ADGRB3: variants seen among roughly 807,000 people sequenced by gnomAD.
The protein encoded by ADGRB3 is brain-specific angiogenesis inhibitor 3.
Under a neutral mutation model 193.4 loss-of-function variants are expected in ADGRB3, and 37 were observed. The ratio of observed to expected loss-of-function variants is 0.19; its 90% CI spans 0.15 to 0.25. The LOEUF is 0.25. ADGRB3 is among the 10% of genes least tolerant of loss of function. The pLI is 1.00. For synonymous variants in ADGRB3, 690 were observed against 644.2 expected (o/e 1.07, Z -1.08); for missense variants, 1,637 against 1,852.9 (o/e 0.88, Z 2.14).
rs143181895 is a variant in ADGRB3, at chr6:69,233,055, G to A, written c.2481-235G>A. 3.6e-4 allele frequency: 196 copies of A among 545,632 alleles called. 1 individual carries two copies. The East Asian group carries it at 6.4e-3, about 18-fold the overall frequency. 33.8% of individuals were successfully genotyped at this position (545,632 alleles called of 1,614,324 possible). ...AGCTAGTCCCGGTTTCAGCACCTCCGGCGCTGGACAGCTCTCTGCACGCCG... is the reference window on the plus strand; with the variant it reads ...AGCTAGTCCCGGTTTCAGCACCTCCAGCGCTGGACAGCTCTCTGCACGCCG... On this transcript the variant is annotated intron_variant, in intron 17 of 31. Transcript: ENST00000370598.
At chr6:68,829,948 C>G (rs780692525) in intron 3 of ADGRB3, among the ~76,000 whole-genome samples, 1 of 152,152 alleles carries the variant, frequency 6.6e-6, no homozygotes, top group Non-Finnish European at 1.5e-5. Context: ...AAATAGATAG[C>G]TGTATCTGCT....
Position 68,788,140 on chromosome 6 carries a change from G to A in ADGRB3, c.758-142419G>A, listed in dbSNP as rs569594907. 2.0e-3 allele frequency among the ~76,000 whole-genome samples: 307 copies of A among 152,102 alleles called. 2 individuals are homozygous for A. Among genetic ancestry groups the A allele is most frequent in the Middle Eastern group, 0.01 (3 of 294 alleles). On this transcript the variant is annotated intron_variant, in intron 3 of 31. Coordinates refer to ENST00000370598, the MANE Select transcript of ADGRB3 (RefSeq NM_001704.3). The stretch of plus-strand genomic sequence containing the variant: ...TCATTAATTTTTTGAAGGGTTTTTT[G>A]TGTCTCTATTTCCTTCGGTTCTGCT...
intron 3 of ADGRB3, among the ~76,000 whole-genome samples, chr6:68,858,734 G>A (rs1169291414): frequency 2.0e-5 from 3 of 152,022 alleles, no homozygotes; most frequent in Non-Finnish European, 2.9e-5. Context: ...TGAAGCAATA[G>A]CCTGAGCTCT....
At chr6:69,101,088 G>A (rs1773041806) in intron 17 of ADGRB3, among the ~76,000 whole-genome samples, 1 of 151,672 alleles carries the variant, frequency 6.6e-6, no homozygotes, top group Non-Finnish European at 1.5e-5. Flanking sequence ...AAGATTTTAT[G>A]TCCTACATTT....
At chr6:68,859,797 A>G (rs971965057) in intron 3 of ADGRB3, among the ~76,000 whole-genome samples, 2 of 152,192 alleles carry the variant, frequency 1.3e-5, no homozygotes, top group African/African-American at 2.4e-5. Context: ...CAGCCAAACC[A>G]TATCAGTGTT....
intron 26 of ADGRB3, among the ~76,000 whole-genome samples, chr6:69,340,004 C>T (rs962421078): frequency 6.6e-6 from 1 of 152,120 alleles, no homozygotes; most frequent in Non-Finnish European, 1.5e-5. Context: ...TGTCTCTATA[C>T]TAAGTTTTGG....
intron 10 of ADGRB3, among the ~76,000 whole-genome samples, chr6:68,989,035 G>A (rs978826161): frequency 2.6e-5 from 4 of 152,056 alleles, no homozygotes; most frequent in Non-Finnish European, 5.9e-5. Context: ...GCACTCAAAA[G>A]CATCTCTAAC....
At chr6:68,765,781 G>A (rs556064817) in intron 3 of ADGRB3, among the ~76,000 whole-genome samples, 83 of 151,912 alleles carry the variant, frequency 5.5e-4, no homozygotes, top group Non-Finnish European at 1.0e-3. Context: ...TTTTCCTATA[G>A]TATGAAATAG....
chr6:68,995,228 A>ACT (rs1769351592), intron 11 of ADGRB3, among the ~76,000 whole-genome samples: 1 of 152,216 alleles, frequency 6.6e-6, no homozygotes, highest in Non-Finnish European at 1.5e-5. Flanking sequence ...GTAACCAAGT[A>ACT]CTTTTCCCTG....
At chr6:68,655,971 C>T (rs1239170798) in intron 3 of ADGRB3, among the ~76,000 whole-genome samples, 1 of 151,496 alleles carries the variant, frequency 6.6e-6, no homozygotes, top group African/African-American at 2.4e-5. Context: ...ACTTAAAAAT[C>T]TCTATTCTGA....
chr6:69,086,464 G>A (rs1772553614), intron 17 of ADGRB3, among the ~76,000 whole-genome samples: 1 of 152,042 alleles, frequency 6.6e-6, no homozygotes, highest in Admixed American at 6.6e-5. Flanking sequence ...TGTACTTTGT[G>A]GGCTAACTCA....
At chr6:68,888,054 A>G (rs572048303) in intron 3 of ADGRB3, among the ~76,000 whole-genome samples, 31 of 152,276 alleles carry the variant, frequency 2.0e-4, no homozygotes, top group African/African-American at 7.2e-4. Context: ...TAGTTACTTA[A>G]AGAGTATAAA....
chr6:69,194,797 T>A (rs1289834270), intron 17 of ADGRB3, among the ~76,000 whole-genome samples: 1 of 152,114 alleles, frequency 6.6e-6, no homozygotes, highest in African/African-American at 2.4e-5. Flanking sequence ...TGTGAACTTA[T>A]TGGCTGTGTG....
At chr6:68,718,750 T>C (rs914793120) in intron 3 of ADGRB3, among the ~76,000 whole-genome samples, 2 of 151,786 alleles carry the variant, frequency 1.3e-5, no homozygotes, top group African/African-American at 4.8e-5. Flanking sequence ...GGAGTTATTT[T>C]ACCTACTGTG....
At chr6:69,151,192 A>C (rs569313035) in intron 17 of ADGRB3, among the ~76,000 whole-genome samples, 1 of 152,288 alleles carries the variant, frequency 6.6e-6, no homozygotes, top group South Asian at 2.1e-4. Context: ...TAGGAGTTGC[A>C]GTTCTGTGAC....
At chr6:69,280,304 C>A (rs912639039) in intron 20 of ADGRB3, among the ~76,000 whole-genome samples, 3 of 152,116 alleles carry the variant, frequency 2.0e-5, no homozygotes, top group African/African-American at 7.2e-5. Context: ...AACTGACCTG[C>A]GTCCCATTTG....
rs759448213 is a variant in ADGRB3, at chr6:69,355,816, T to C, written c.3556-5T>C. 4.4e-6 allele frequency: 7 copies of C among 1,605,580 alleles called. No individual in the cohort carries two copies. The East Asian group carries it at 1.1e-4, about 26-fold the overall frequency. On this transcript the variant is annotated splice_polypyrimidine_tract_variant and splice_region_variant and intron_variant, in intron 27 of 31. Transcript: ENST00000370598. Reference sequence around the variant, plus strand: ...GGTTCTATGTCTTATTATTTATTGTTACAGACAGACTTTGAAAAGGATGTA... The same window carrying C: ...GGTTCTATGTCTTATTATTTATTGTCACAGACAGACTTTGAAAAGGATGTA...
At chr6:69,042,873 A>T (rs1771112795) in intron 13 of ADGRB3, among the ~76,000 whole-genome samples, 1 of 152,232 alleles carries the variant, frequency 6.6e-6, no homozygotes, top group Admixed American at 6.5e-5. Context: ...CACAATAAAA[A>T]GGACAGTTTT....
At chr6:69,115,308 A>G (rs1004897249) in intron 17 of ADGRB3, among the ~76,000 whole-genome samples, 9 of 152,232 alleles carry the variant, frequency 5.9e-5, no homozygotes, top group African/African-American at 2.2e-4. Context: ...ACATGGATGA[A>G]GCTGGAAACC....
Sources: gnomAD v4.1 joint callset for allele counts (sites outside exome capture counted in the v4.1 genomes callset) on GRCh38, gnomAD v4.1.1 for gene constraint, MANE v1.5 for transcripts, NCBI Gene and HGNC (gene_info 2026-07-23, HGNC 2026-07-21) for gene names.